CCSER1: variants seen among roughly 807,000 people sequenced by gnomAD.
The protein encoded by CCSER1 is coiled-coil serine rich protein 1.
Under a neutral mutation model 82.0 loss-of-function variants are expected in CCSER1, and 41 were observed. The ratio of observed to expected loss-of-function variants is 0.50; its 90% confidence interval spans 0.39 to 0.65. The LOEUF (loss-of-function observed/expected upper bound fraction) is 0.65, where lower values mean the gene tolerates loss of function less well. Among genes scored for constraint, CCSER1 ranks in the 30% least tolerant of loss-of-function variants. CCSER1 has a pLI of 0.00. For missense variants in CCSER1, 1,119 were observed against 1,064.2 expected (o/e 1.05, Z -0.72); for synonymous variants, 414 against 383.9 (o/e 1.08, Z -0.92).
chr4:91,032,040 C>T (rs185520939), intron 9 of CCSER1, among the ~76,000 whole-genome samples: 17 of 152,148 alleles, frequency 1.1e-4, no homozygotes, highest in Admixed American at 1.1e-3. Context: ...TGACTTCATA[C>T]TCCCACCTTA....
chr4:90,843,156 C>T (rs62311118), intron 8 of CCSER1, among the ~76,000 whole-genome samples: 10,847 of 151,900 alleles, frequency 0.071, 496 homozygotes, highest in Admixed American at 0.13. Context: ...CCTCTCATTT[C>T]TTCAGTTTTC....
chr4:91,081,840 G>A (rs1722793151), intron 9 of CCSER1, among the ~76,000 whole-genome samples: 1 of 152,102 alleles, frequency 6.6e-6, no homozygotes, highest in Non-Finnish European at 1.5e-5. Flanking sequence ...AAAATACCTA[G>A]GAATCCAACT....
chr4:90,947,455 C>A (rs1406817921), intron 9 of CCSER1, among the ~76,000 whole-genome samples: 1 of 152,104 alleles, frequency 6.6e-6, no homozygotes, highest in Non-Finnish European at 1.5e-5. Flanking sequence ...ACATTATTTA[C>A]ACCATATTCT....
chr4:90,692,413 T>C (rs1736172816), intron 6 of CCSER1, among the ~76,000 whole-genome samples: 2 of 151,948 alleles, frequency 1.3e-5, no homozygotes, highest in African/African-American at 2.4e-5. Context: ...TTGTGTTCCA[T>C]TGTTGCATTA....
intron 10 of CCSER1, among the ~76,000 whole-genome samples, chr4:91,255,932 G>T (rs752248151): frequency 2.0e-4 from 30 of 152,132 alleles, no homozygotes; most frequent in Non-Finnish European, 3.4e-4. Context: ...AACAATATGA[G>T]ATCTGGGCAC....
intron 4 of CCSER1, among the ~76,000 whole-genome samples, chr4:90,450,956 G>A (rs190043943): frequency 6.6e-6 from 1 of 152,190 alleles, no homozygotes; most frequent in South Asian, 2.1e-4. Context: ...CTTAAATCCA[G>A]CTTTGAAAGG....
chr4:91,216,647 G>A (rs751905218), intron 10 of CCSER1, among the ~76,000 whole-genome samples: 1 of 152,070 alleles, frequency 6.6e-6, no homozygotes, highest in Non-Finnish European at 1.5e-5. Flanking sequence ...ATTTTTTTAT[G>A]TTTAAGAGAC....
chr4:91,173,088 A>G (rs1274367899), intron 10 of CCSER1, among the ~76,000 whole-genome samples: 1 of 152,198 alleles, frequency 6.6e-6, no homozygotes, highest in Non-Finnish European at 1.5e-5. Flanking sequence ...GTTGATCATC[A>G]AGATGAAATG....
chr4:91,122,385 TAC>T (rs1044439300), intron 10 of CCSER1, among the ~76,000 whole-genome samples: 8 of 151,944 alleles, frequency 5.3e-5, no homozygotes, highest in East Asian at 1.9e-4. Flanking sequence ...TATCATTCAT[TAC>T]TCATGTATAA....
chr4:90,839,779 C>G (rs61098294), intron 8 of CCSER1, among the ~76,000 whole-genome samples: 4,878 of 152,200 alleles, frequency 0.032, 268 homozygotes, highest in African/African-American at 0.11. Flanking sequence ...AAATTCTTCT[C>G]CCATTCTTCT....
intron 10 of CCSER1, among the ~76,000 whole-genome samples, chr4:91,268,903 C>T (rs570177450): frequency 2.4e-4 from 36 of 152,200 alleles, no homozygotes; most frequent in South Asian, 4.1e-4. Context: ...TGATTCTTCA[C>T]TTGCTTCAGG....
chr4:90,804,605 T>C (rs982851582), intron 7 of CCSER1, among the ~76,000 whole-genome samples: 2 of 152,214 alleles, frequency 1.3e-5, no homozygotes, highest in African/African-American at 4.8e-5. Context: ...CATGCTGTTT[T>C]GGTTACTGTA....
chr4:90,542,491 G>T (rs534968322), intron 5 of CCSER1, among the ~76,000 whole-genome samples: 1 of 151,992 alleles, frequency 6.6e-6, no homozygotes, highest in Non-Finnish European at 1.5e-5. Context: ...TTCATGCACC[G>T]CAATCAAGTT....
At chr4:90,731,204 A>C (rs1744663879) in intron 7 of CCSER1, among the ~76,000 whole-genome samples, 2 of 152,212 alleles carry the variant, frequency 1.3e-5, no homozygotes, top group African/African-American at 4.8e-5. Context: ...ACAAAATCAA[A>C]GATAGTTTCT....
chr4:91,108,409 T>C (rs2148866764), intron 10 of CCSER1, among the ~76,000 whole-genome samples: 1 of 152,334 alleles, frequency 6.6e-6, no homozygotes, highest in Non-Finnish European at 1.5e-5. Flanking sequence ...TATTCGAATT[T>C]GTATTTTTAT....
chr4:90,752,341 T>G (rs1238972029), intron 7 of CCSER1, among the ~76,000 whole-genome samples: 2 of 152,084 alleles, frequency 1.3e-5, no homozygotes, highest in Non-Finnish European at 2.9e-5. Context: ...AGGGAACCTT[T>G]CTGTTTGTGT....
chr4:90,328,964 C>A (rs761992263), intron 3 of CCSER1, among the ~76,000 whole-genome samples: 4 of 152,268 alleles, frequency 2.6e-5, no homozygotes, highest in Non-Finnish European at 5.9e-5. Flanking sequence ...AACACAAACA[C>A]TTTTGTAATA....
At chr4:90,218,384 G>A (rs752321330) in intron 1 of CCSER1, among the ~76,000 whole-genome samples, 20 of 152,014 alleles carry the variant, frequency 1.3e-4, no homozygotes, top group Non-Finnish European at 2.2e-4. Flanking sequence ...TGGGTGCTGG[G>A]ATCATTTGTA....
At chr4:90,629,746 G>A (rs145829936) in intron 6 of CCSER1, among the ~76,000 whole-genome samples, 28 of 152,218 alleles carry the variant, frequency 1.8e-4, no homozygotes, top group African/African-American at 3.4e-4. Flanking sequence ...GTGCTGTAGC[G>A]GTATGCTTAT....
Sources: gnomAD v4.1 joint callset for allele counts (sites outside exome capture counted in the v4.1 genomes callset) on GRCh38, gnomAD v4.1.1 for gene constraint, MANE v1.5 for transcripts, NCBI Gene and HGNC (gene_info 2026-07-23, HGNC 2026-07-21) for gene names.